The following LARGE1 variants were observed in gnomAD, a reference collection of about 807,000 sequenced individuals.
LARGE1 encodes LARGE xylosyl- and glucuronyltransferase 1.
Under a neutral mutation model 87.6 loss-of-function variants are expected in LARGE1, and 43 were observed. The ratio of observed to expected loss-of-function variants is 0.49; its 90% confidence interval spans 0.38 to 0.63. LARGE1 has a LOEUF of 0.63. LARGE1 is among the 30% of genes least tolerant of loss of function. The probability of loss-of-function intolerance (pLI) is 0.00; values close to 1 mark genes in which losing one functional copy is unlikely to be tolerated. For missense variants in LARGE1, 802 were observed against 1,000.2 expected (o/e 0.80, Z 2.67); for synonymous variants, 434 against 394.6 (o/e 1.10, Z -1.18).
chr22:33,829,742 T>C (rs1276666234), intron 1 of LARGE1, among the ~76,000 whole-genome samples: 1 of 152,224 alleles, frequency 6.6e-6, no homozygotes, highest in Admixed American at 6.5e-5. Flanking sequence ...AGCCACCATC[T>C]GGCTGTTCAA....
intron 5 of LARGE1, among the ~76,000 whole-genome samples, chr22:33,570,370 G>A (rs960990176): frequency 6.6e-6 from 1 of 152,114 alleles, no homozygotes; most frequent in African/African-American, 2.4e-5. Flanking sequence ...GTTTTGTCAG[G>A]GGAAATAAGT....
intron 14 of LARGE1, among the ~76,000 whole-genome samples, chr22:33,274,979 T>G (rs1374249045): frequency 6.6e-6 from 1 of 152,200 alleles, no homozygotes; most frequent in African/African-American, 2.4e-5. Flanking sequence ...CACACCCACA[T>G]GGACAGTCTA....
chr22:33,498,984 A>G (rs1417143679), intron 6 of LARGE1, among the ~76,000 whole-genome samples: 1 of 152,176 alleles, frequency 6.6e-6, no homozygotes, highest in Non-Finnish European at 1.5e-5. Flanking sequence ...AAAAATAAAT[A>G]CATAAATAAA....
At chr22:33,123,555 T>G in the LARGE1 span, among the ~76,000 whole-genome samples, 1 of 152,178 alleles carries the variant, frequency 6.6e-6, no homozygotes, top group Admixed American at 6.5e-5. Context: ...ATTTTCACTT[T>G]TTGCAAAGAA....
intron 1 of LARGE1, among the ~76,000 whole-genome samples, chr22:33,849,485 C>T (rs549854144): frequency 6.6e-6 from 1 of 151,918 alleles, no homozygotes; most frequent in African/African-American, 2.4e-5. Flanking sequence ...ACGAGGGATG[C>T]GATACATTAT....
intron 1 of LARGE1, among the ~76,000 whole-genome samples, chr22:33,800,511 T>C (rs185914721): frequency 6.6e-6 from 1 of 152,304 alleles, no homozygotes; most frequent in Admixed American, 6.5e-5. Context: ...ACAGAACTGT[T>C]CTATCATCCT....
chr22:33,691,371 T>C (rs557965781), intron 2 of LARGE1, among the ~76,000 whole-genome samples: 129 of 152,138 alleles, frequency 8.5e-4, no homozygotes, highest in Non-Finnish European at 1.6e-3. Flanking sequence ...AAAATAGATT[T>C]GTTGCTGCCC....
intron 5 of LARGE1, among the ~76,000 whole-genome samples, chr22:33,568,165 G>C (rs1391044293): frequency 6.6e-6 from 1 of 152,150 alleles, no homozygotes; most frequent in Non-Finnish European, 1.5e-5. Flanking sequence ...GTTTGAGTAA[G>C]GCCACCTGGC....
chr22:33,234,014 C>T (rs1926134796), intron 11 of LARGE1, among the ~76,000 whole-genome samples: 1 of 152,216 alleles, frequency 6.6e-6, no homozygotes, highest in South Asian at 2.1e-4. Context: ...CAAATGCCTT[C>T]ACCCTAGGAA....
At chr22:33,815,284 C>T (rs1341095629) in intron 1 of LARGE1, among the ~76,000 whole-genome samples, 1 of 152,196 alleles carries the variant, frequency 6.6e-6, no homozygotes, top group Non-Finnish European at 1.5e-5. Context: ...CTCATCACCT[C>T]GTCTAAGCCA....
chr22:33,820,993 T>C (rs138168602), intron 1 of LARGE1, among the ~76,000 whole-genome samples: 1 of 152,342 alleles, frequency 6.6e-6, no homozygotes, highest in East Asian at 1.9e-4. Flanking sequence ...AACCCTGGAC[T>C]GCAAGCTCCT....
In LARGE1 at chr22:33,580,160, C is replaced by T. The variant is rs374622943; in HGVS notation, c.616-15141G>A. Among the ~76,000 whole-genome samples, 10 of 151,946 alleles carry T rather than the reference C, an allele frequency of 6.6e-5. No homozygotes were observed. The East Asian group carries it at 9.7e-4, about 15-fold the overall frequency. On this transcript the variant is annotated intron_variant, in intron 5 of 14. Coordinates refer to ENST00000397394, the MANE Select transcript of LARGE1 (RefSeq NM_133642.5). Reference sequence around the variant, plus strand: ...CCAAGGGGGGCAGATCACCTGAGCTCGGGAGTTTGAGACCACCCTGACCAA... The same window carrying T: ...CCAAGGGGGGCAGATCACCTGAGCTTGGGAGTTTGAGACCACCCTGACCAA...
intron 11 of LARGE1, among the ~76,000 whole-genome samples, chr22:33,224,684 A>T (rs527909274): frequency 6.1e-4 from 93 of 152,162 alleles, no homozygotes; most frequent in African/African-American, 2.1e-3. Context: ...CCCTGGTGCC[A>T]GCTGAATAAT....
chr22:33,091,559 CAAAT>C, the LARGE1 span, among the ~76,000 whole-genome samples: 2,071 of 140,550 alleles, frequency 0.015, 30 homozygotes, highest in African/African-American at 0.038. Context: ...GACTCCATCT[CAAAT>C]AAATAAATAA....
chr22:33,368,312 T>C (rs1311765153), intron 9 of LARGE1, among the ~76,000 whole-genome samples: 2 of 152,090 alleles, frequency 1.3e-5, no homozygotes, highest in African/African-American at 2.4e-5. Flanking sequence ...GGGAGGCCGA[T>C]CACCTGAGGT....
downstream of LARGE1, among the ~76,000 whole-genome samples, chr22:33,162,006 C>G (rs988993320): frequency 6.6e-6 from 1 of 152,166 alleles, no homozygotes. Context: ...TGGTCAAAAC[C>G]ATTCAACAAG....
chr22:33,529,928 C>T (rs983074174), intron 6 of LARGE1, among the ~76,000 whole-genome samples: 6 of 152,164 alleles, frequency 3.9e-5, no homozygotes, highest in Non-Finnish European at 7.3e-5. Flanking sequence ...TTGGCAGCAG[C>T]GGGAGACTGC....
rs539424695 is a variant in LARGE1, at chr22:33,384,785, G to GA, written c.893-482dup. 1.1e-4 allele frequency among the ~76,000 whole-genome samples: 16 copies of GA among 148,300 alleles called. 2 individuals are homozygous for GA. In the South Asian group the frequency reaches 2.4e-3, roughly 22 times the overall value. On this transcript the variant is annotated intron_variant, in intron 7 of 14. Transcript: ENST00000397394. ...GTTATGTATATCTCACCACAATAAT[G>GA]AAAAAAAAGATTCTAGCTCTGCACT...
intron 2 of LARGE1, among the ~76,000 whole-genome samples, chr22:33,698,333 C>CAAAGGGATTA (rs1319611690): frequency 6.6e-6 from 1 of 151,470 alleles, no homozygotes; most frequent in African/African-American, 2.4e-5. Context: ...CTTAGCCTCA[C>CAAAGGGATTA]TCAGTCACCC....
Sources: gnomAD v4.1 joint callset for allele counts (sites outside exome capture counted in the v4.1 genomes callset) on GRCh38, gnomAD v4.1.1 for gene constraint, MANE v1.5 for transcripts, NCBI Gene and HGNC (gene_info 2026-07-23, HGNC 2026-07-21) for gene names.